The following EML5 variants were observed in gnomAD, a reference collection of about 807,000 sequenced individuals.
EML5 encodes the protein echinoderm microtubule-associated protein-like 5.
A neutral mutation model predicts 250.0 loss-of-function variants in EML5; 120 were observed. That is an observed-to-expected ratio of 0.48 (90% CI 0.41 to 0.56). The LOEUF is 0.56. EML5 is among the 20% of genes least tolerant of loss of function. The probability of loss-of-function intolerance (pLI) is 0.00; values close to 1 mark genes in which losing one functional copy is unlikely to be tolerated. For synonymous variants in EML5, 771 were observed against 806.5 expected (o/e 0.96, Z 0.75); for missense variants, 2,006 against 2,437.6 (o/e 0.82, Z 3.73).
intron 15 of EML5, 59 bp from the exon 16 acceptor site, chr14:88,695,513 T>A: frequency 6.9e-7 from 1 of 1,452,702 alleles, no homozygotes; most frequent in South Asian, 1.2e-5. Flanking sequence ...AGAGAAAACA[T>A]TCAGTATATA....
intron 32 of EML5, among the ~76,000 whole-genome samples, chr14:88,637,724 G>A (rs142504044): frequency 6.6e-6 from 1 of 152,226 alleles, no homozygotes; most frequent in African/African-American, 2.4e-5. Flanking sequence ...ATTGAGCTAG[G>A]TACTTAGGTA....
intron 21 of EML5, among the ~76,000 whole-genome samples, chr14:88,671,382 C>T (rs1435207231): frequency 6.6e-6 from 1 of 152,156 alleles, no homozygotes; most frequent in East Asian, 1.9e-4. Flanking sequence ...CCAGGCCTGC[C>T]TTGCAAGAGC....
In EML5 at chr14:88,616,259, G is replaced by C. The variant is rs774738767; in HGVS notation, c.5797-17C>G. Reference sequence around the variant, plus strand: ...GTGTTTTGCCTAAAAAACAATGACAGACAAGCTCAGGGCATTTGGTGCACA... The same window carrying C: ...GTGTTTTGCCTAAAAAACAATGACACACAAGCTCAGGGCATTTGGTGCACA... On this transcript the variant is annotated splice_polypyrimidine_tract_variant and intron_variant, in intron 42 of 43. Transcript: ENST00000554922. 1.3e-5 allele frequency: 21 copies of C among 1,611,660 alleles called. No homozygotes were observed. Among genetic ancestry groups the C allele is most frequent in the Admixed American group, 3.3e-5 (2 of 60,016 alleles).
In EML5 at chr14:88,705,564, T is replaced by C. The variant is rs2093301741; in HGVS notation, c.1850A>G (p.Asp617Gly). 1.3e-6 allele frequency: 2 copies of C among 1,597,426 alleles called. No homozygotes were observed. ...PQESLADSHSDESDSDLSDVP... is the reference protein window; with the variant it reads ...PQESLADSHSGESDSDLSDVP... ...ATCAGACAGATCTGAATCTGATTCA[T>C]CACTATGAGAGTCAGCCAGACTTTC... Residue 617 changes from aspartate (D) to glycine (G), a missense_variant, in exon 12 of 44, where the codon GAT becomes GGT. By Grantham distance (94) the Asp-to-Gly change is moderately conservative. Transcript: ENST00000554922.
chr14:88,650,928 C>T (rs2091591217), intron 27 of EML5, among the ~76,000 whole-genome samples: 1 of 152,150 alleles, frequency 6.6e-6, no homozygotes, highest in Admixed American at 6.5e-5. Flanking sequence ...AGGCATGAGG[C>T]ACAGCACCTG....
intron 1 of EML5, among the ~76,000 whole-genome samples, chr14:88,765,289 G>A (rs1265348484): frequency 1.3e-5 from 2 of 152,046 alleles, no homozygotes; most frequent in Non-Finnish European, 2.9e-5. Flanking sequence ...AGAGTCTCTG[G>A]GGATGAGTCA....
At chr14:88,737,634 T>G (rs1350378319) in intron 6 of EML5, among the ~76,000 whole-genome samples, 1 of 152,258 alleles carries the variant, frequency 6.6e-6, no homozygotes, top group Non-Finnish European at 1.5e-5. Context: ...ATCTTAGATG[T>G]GAGACAGAAG....
chr14:88,723,581 T>C (rs2093622428), intron 8 of EML5, among the ~76,000 whole-genome samples: 2 of 152,202 alleles, frequency 1.3e-5, no homozygotes, highest in Admixed American at 6.5e-5. Flanking sequence ...TGAAAATTGC[T>C]AAGACACATC....
intron 27 of EML5, among the ~76,000 whole-genome samples, chr14:88,656,193 A>C (rs1312402058): frequency 6.6e-6 from 1 of 152,224 alleles, no homozygotes; most frequent in Non-Finnish European, 1.5e-5. Context: ...CACTGTTCAC[A>C]ATAGCAAAGA....
rs189937819 is a variant in EML5, at chr14:88,613,801, T to C, written c.*2017A>G. ...CAGGTTACACAATCAGGAGCTTAGA[T>C]ACTGCACACAAAAATAATTATCTGG... On this transcript the variant is annotated 3_prime_UTR_variant, in exon 44 of 44. Transcript: ENST00000554922. 6.6e-6 allele frequency: 1 copy of C among 152,310 alleles called. No homozygotes were observed. Among genetic ancestry groups the C allele is most frequent in the Admixed American group, 6.5e-5 (1 of 15,300 alleles). 9.4% of individuals were successfully genotyped at this position (152,310 alleles called of 1,614,324 possible). A position where few individuals can be genotyped will look rare whatever the true frequency, so the allele number is the denominator to read the frequency against.
chr14:88,692,564 C>A (rs2092985302), intron 17 of EML5, among the ~76,000 whole-genome samples: 1 of 152,022 alleles, frequency 6.6e-6, no homozygotes, highest in South Asian at 2.1e-4. Context: ...AAATACTATA[C>A]CATTTTATAC....
rs758831320 is a variant in EML5, at chr14:88,649,919, C to T, written c.4012G>A (p.Val1338Ile). Reference protein sequence around the residue: ...KEPSIDERQGVVRGSRPPVSR... With the variant: ...KEPSIDERQGIVRGSRPPVSR... ...CTTTTATAAAACACTTACCTTACTACTCCCTGCCTTCAAAAGGAGCAAGGG... is the reference window on the plus strand; with the variant it reads ...CTTTTATAAAACACTTACCTTACTATTCCCTGCCTTCAAAAGGAGCAAGGG... Residue 1338 changes from valine to isoleucine, a missense_variant, in exon 28 of 44, where the codon GTA (valine) becomes ATA (isoleucine). By Grantham distance (29) the Val-to-Ile change is conservative. This residue lies in a region of EML5 where 1,375 missense variants were observed against 1,590.3 expected (regional missense o/e 0.86). Transcript: ENST00000554922. 3 of 1,490,718 alleles carry T rather than the reference C, an allele frequency of 2.0e-6. No individual in the cohort carries two copies. Among genetic ancestry groups the T allele is most frequent in the South Asian group, 2.8e-5 (2 of 72,166 alleles). 92.3% of individuals were successfully genotyped at this position (1,490,718 alleles called of 1,614,324 possible). A position where few individuals can be genotyped will look rare whatever the true frequency, so the allele number is the denominator to read the frequency against.
intron 33 of EML5, among the ~76,000 whole-genome samples, chr14:88,629,745 A>T (rs935093046): frequency 6.6e-6 from 1 of 152,138 alleles, no homozygotes; most frequent in African/African-American, 2.4e-5. Flanking sequence ...CTCAGAGAAG[A>T]TAACTGACTT....
chr14:88,660,565 AC>A (rs2092052310), intron 25 of EML5, among the ~76,000 whole-genome samples: 1 of 151,480 alleles, frequency 6.6e-6, no homozygotes, highest in Non-Finnish European at 1.5e-5. Context: ...ACATGGTAAA[AC>A]CCTATCTCTA....
chr14:88,644,828 A>C (rs1362224179), intron 29 of EML5: 1 of 187,280 alleles, frequency 5.3e-6, no homozygotes, highest in Non-Finnish European at 1.1e-5. Context: ...CTCCTGCCTC[A>C]GCCTCCCGAG....
chr14:88,699,398 T>C (rs901105045), intron 14 of EML5, among the ~76,000 whole-genome samples: 2 of 151,244 alleles, frequency 1.3e-5, no homozygotes, highest in Non-Finnish European at 2.9e-5. Context: ...AACTTCCAAC[T>C]CTGCATTAAT....
intron 21 of EML5, among the ~76,000 whole-genome samples, chr14:88,674,356 T>G (rs753093395): frequency 3.3e-5 from 5 of 152,180 alleles, no homozygotes; most frequent in African/African-American, 4.8e-5. Context: ...AGTTCTGTAT[T>G]TCTGAGGAGG....
chr14:88,696,335 T>C (rs761704399), intron 15 of EML5, among the ~76,000 whole-genome samples: 1 of 152,120 alleles, frequency 6.6e-6, no homozygotes, highest in Non-Finnish European at 1.5e-5. Flanking sequence ...GATCTATCTG[T>C]AGTGGTCAAA....
intron 7 of EML5, among the ~76,000 whole-genome samples, chr14:88,732,258 G>A (rs1017970956): frequency 6.6e-5 from 10 of 152,102 alleles, no homozygotes; most frequent in African/African-American, 2.4e-4. Flanking sequence ...TGTAAGGAAG[G>A]GATCCAGTTT....
Sources: gnomAD v4.1 joint callset for allele counts (sites outside exome capture counted in the v4.1 genomes callset) on GRCh38, gnomAD v4.1.1 for gene constraint, gnomAD v4.1.1 regional missense constraint, MANE v1.5 for transcripts, NCBI Gene and HGNC (gene_info 2026-07-23, HGNC 2026-07-21) for gene names.